The following GALNT9 variants were observed in gnomAD, a reference collection of about 807,000 sequenced individuals.
The protein encoded by GALNT9 is polypeptide N-acetylgalactosaminyltransferase 9.
In GALNT9, 47 loss-of-function variants were observed where a neutral mutation model predicts 63.1. The ratio of observed to expected loss-of-function variants is 0.75; its 90% confidence interval spans 0.59 to 0.95. The LOEUF (loss-of-function observed/expected upper bound fraction) is 0.95. Among genes scored for constraint, GALNT9 ranks in the 40% least tolerant of loss-of-function variants. GALNT9 has a pLI of 0.00. For missense variants in GALNT9, 829 were observed against 874.8 expected (o/e 0.95, Z 0.66); for synonymous variants, 396 against 365.7 (o/e 1.08, Z -0.94).
rs1355697455 is a variant in GALNT9 at position 132,279,992 on chromosome 12, C to G, written c.419+6258G>C. On this transcript the variant is annotated intron_variant, in intron 2 of 10. Transcript: ENST00000328957. The surrounding 1 kb of genome is among the most constrained non-coding windows in gnomAD (Gnocchi z 4.1). ...TCTCCTGGATCCACTTCCTGGATGC[C>G]CAGTGTCTGCCAAATCTCCTGAATT... is the stretch of plus-strand genomic sequence containing the variant. The G allele has an allele frequency of 1.3e-5, 2 of 152,016 alleles. No homozygotes were observed. Among genetic ancestry groups the G allele is most frequent in the Non-Finnish European group, 2.9e-5 (2 of 68,164 alleles). The allele number at this position is 152,016 out of a possible 1,614,324, so 9.4% of individuals were successfully genotyped here. A position where few individuals can be genotyped will look rare whatever the true frequency, so the allele number is the denominator to read the frequency against.
At position 132,329,581 on chromosome 12, in the gene GALNT9, CAG is replaced by C. The variant is rs1417080307; in HGVS notation, c.-380_-379del. On this transcript the variant is annotated 5_prime_UTR_variant, in exon 1 of 11. Transcript: ENST00000328957. ...CCGCCCCGCAGCCACCGCGCCGGTG[CAG>C]AGTGACGCGGCCTCACCTCACCTCA... 1.0e-4 allele frequency among the ~76,000 whole-genome samples: 15 copies of C among 147,254 alleles called. No individual in the cohort carries two copies. The highest frequency in any genetic ancestry group is 1.7e-4 in the Non-Finnish European group (11 of 66,018).
chr12:132,203,498 G>T lies in GALNT9; in HGVS notation c.1263+7C>A. ...TGGCCCCGGCTCCCGGCCTGTGGGG[G>T]ACTCACCGACATGGGGATGTTCCAG... On this transcript the variant is annotated splice_region_variant and intron_variant, in intron 7 of 10. Transcript: ENST00000328957. The T allele has an allele frequency of 2.5e-6, 4 of 1,613,282 alleles. No homozygotes were observed. Among genetic ancestry groups the T allele is most frequent in the South Asian group, 2.2e-5 (2 of 91,048 alleles).
At chr12:132,308,322 C>T (rs1331262107) in intron 1 of GALNT9, among the ~76,000 whole-genome samples, 1 of 152,228 alleles carries the variant, frequency 6.6e-6, no homozygotes, top group African/African-American at 2.4e-5. Flanking sequence ...TAGGCTGCCC[C>T]GTCTGTGGTG....
At chr12:132,212,760 T>A (rs1489303329) in intron 6 of GALNT9, among the ~76,000 whole-genome samples, 1 of 24,744 alleles carries the variant, frequency 4.0e-5, no homozygotes, top group African/African-American at 1.7e-4. Context: ...CCTCAGACCG[T>A]GACATGGAAA....
intron 6 of GALNT9, chr12:132,247,292 T>C (rs1439866480): frequency 3.0e-6 from 1 of 333,012 alleles, no homozygotes; most frequent in Non-Finnish European, 5.9e-6. Flanking sequence ...CCCAATCCAT[T>C]GTCACCTGGG....
In GALNT9 at chr12:132,271,138, T is replaced by C. The variant is rs77039654; in HGVS notation, c.420-8513A>G. On this transcript the variant is annotated intron_variant, in intron 2 of 10. Coordinates refer to ENST00000328957, the MANE Select transcript of GALNT9 (RefSeq NM_001122636.2). ...ATGCGCCCTTCAGTGCCGTGTGTGT[T>C]ACTGCGGCAGCAGTGGCCATGTGGG... Among the ~76,000 whole-genome samples, 1,055 of 152,288 alleles carry C rather than the reference T, an allele frequency of 6.9e-3. 41 individuals carry two copies. Among genetic ancestry groups the C allele is most frequent in the Admixed American group, 0.056 (861 of 15,304 alleles).
At position 132,203,633 on chromosome 12, in the gene GALNT9, C is replaced by G; in HGVS notation, c.1135G>C (p.Glu379Gln). 2.5e-6 allele frequency: 4 copies of G among 1,613,866 alleles called. No individual in the cohort carries two copies. Among genetic ancestry groups the G allele is most frequent in the Non-Finnish European group, 3.4e-6 (4 of 1,179,848 alleles). ...TTGTTGTAGGGCTTCCTGGTGCGCT[C>G]GATGTGGGCCACGCGGGAGCAGGGC... ...VLPCSRVAHIERTRKPYNNDI... is the reference protein window; with the variant it reads ...VLPCSRVAHIQRTRKPYNNDI... The change falls in exon 7 of 11, where the codon GAG becomes CAG. Residue 379 changes from glutamate (E) to glutamine (Q), a missense_variant. Glu to Gln is a conservative substitution (Grantham distance 29). Coordinates refer to ENST00000328957, the MANE Select transcript of GALNT9 (RefSeq NM_001122636.2).
intron 5 of GALNT9, among the ~76,000 whole-genome samples, chr12:132,255,847 C>A (rs1273886101): frequency 6.6e-6 from 1 of 152,140 alleles, no homozygotes; most frequent in Non-Finnish European, 1.5e-5. Flanking sequence ...GACCCACATG[C>A]GCCTTTGCGA....
At chr12:132,257,422 G>A (rs1879162140) in intron 5 of GALNT9, among the ~76,000 whole-genome samples, 1 of 71,324 alleles carries the variant, frequency 1.4e-5, no homozygotes, top group African/African-American at 4.5e-5. Flanking sequence ...CTTGCTGGGG[G>A]ACGTCCCCAG....
chr12:132,297,497 T>C (rs1555243367), intron 1 of GALNT9, among the ~76,000 whole-genome samples: 1 of 145,528 alleles, frequency 6.9e-6, no homozygotes, highest in Non-Finnish European at 1.5e-5. Context: ...GATGACTGAG[T>C]CTCTCCCAAG....
chr12:132,204,896 G>A (rs1488566656), intron 6 of GALNT9, among the ~76,000 whole-genome samples: 5 of 152,134 alleles, frequency 3.3e-5, no homozygotes, highest in African/African-American at 4.8e-5. Flanking sequence ...CTGGACGAGT[G>A]TGCCAGGCCC....
intron 2 of GALNT9, among the ~76,000 whole-genome samples, chr12:132,263,100 T>C (rs998925129): frequency 1.3e-5 from 2 of 151,546 alleles, no homozygotes; most frequent in African/African-American, 4.9e-5. Flanking sequence ...CAGGAGCACG[T>C]TGGGGACGGC....
chr12:132,256,970 C>T (rs868937290), intron 5 of GALNT9, among the ~76,000 whole-genome samples: 5 of 152,208 alleles, frequency 3.3e-5, no homozygotes, highest in Non-Finnish European at 5.9e-5. Context: ...GTTCATGTCG[C>T]GCCCTGTCCT....
At chr12:132,272,033 G>C (rs569901951) in intron 2 of GALNT9, among the ~76,000 whole-genome samples, 10 of 152,170 alleles carry the variant, frequency 6.6e-5, no homozygotes, top group Admixed American at 3.9e-4. Flanking sequence ...GCTCGAGGGC[G>C]GGGGGAGGAG....
In GALNT9 at chr12:132,277,999, C is replaced by A. The variant is rs868912438; in HGVS notation, c.419+8251G>T. 7.1e-4 allele frequency: 101 copies of A among 141,876 alleles called. 1 individual carries two copies. The highest frequency in any genetic ancestry group is 2.4e-3 in the African/African-American group (96 of 39,428). The allele number at this position is 141,876 out of a possible 1,614,324, so 8.8% of individuals were successfully genotyped here. A position where few individuals can be genotyped will look rare whatever the true frequency, so the allele number is the denominator to read the frequency against. Reference sequence around the variant, plus strand: ...TGAGGCCCTCCCCCCGCCCCGGCCCCCTCCCCCTCACTCCCACACCCACCC... The same window carrying A: ...TGAGGCCCTCCCCCCGCCCCGGCCCACTCCCCCTCACTCCCACACCCACCC... On this transcript the variant is annotated intron_variant, in intron 2 of 10. Coordinates refer to ENST00000328957, the MANE Select transcript of GALNT9 (RefSeq NM_001122636.2).
intron 1 of GALNT9, among the ~76,000 whole-genome samples, chr12:132,317,647 A>G (rs1868582691): frequency 6.6e-6 from 1 of 152,242 alleles, no homozygotes; most frequent in African/African-American, 2.4e-5. Flanking sequence ...GTTTTTAAAA[A>G]TCTTCCTAAA....
chr12:132,297,899 C>T (rs1391998097), intron 1 of GALNT9, among the ~76,000 whole-genome samples: 1 of 151,870 alleles, frequency 6.6e-6, no homozygotes, highest in Non-Finnish European at 1.5e-5. Context: ...AATTCACTCC[C>T]ATGATAACCA....
chr12:132,198,044 A>G (rs1875664138), intron 9 of GALNT9, 85 bp from the exon 10 acceptor site: 3 of 1,175,056 alleles, frequency 2.6e-6, no homozygotes, highest in East Asian at 2.5e-5. Flanking sequence ...AGCTGCCTTG[A>G]GCTGCAAACG....
At chr12:132,321,521 C>T (rs967295220) in intron 1 of GALNT9, among the ~76,000 whole-genome samples, 6 of 152,178 alleles carry the variant, frequency 3.9e-5, no homozygotes, top group Non-Finnish European at 7.4e-5. Context: ...AGCACCCTTC[C>T]GGGGCCAACA....
Sources: allele counts gnomAD v4.1 joint callset (sites outside exome capture counted in the v4.1 genomes callset), GRCh38; gene constraint gnomAD v4.1.1; non-coding constraint Gnocchi (gnomAD v3.1); transcripts MANE v1.5; gene names NCBI Gene and HGNC (gene_info 2026-07-23, HGNC 2026-07-21).